The following ADAP1 variants were observed in gnomAD, a reference collection of about 807,000 sequenced individuals.
ADAP1 encodes ArfGAP with dual PH domains 1, also known as arf-GAP with dual PH domain-containing protein 1.
Under a neutral mutation model 54.9 loss-of-function variants are expected in ADAP1, and 31 were observed. The observed-to-expected ratio is 0.56, with a 90% CI of 0.42 to 0.76. The LOEUF is 0.76. Ranked by LOEUF, ADAP1 falls within the 30% of genes least tolerant of loss-of-function variation. The probability of loss-of-function intolerance (pLI) is 0.00; values close to 1 mark genes in which losing one functional copy is unlikely to be tolerated. For missense variants in ADAP1, 535 were observed against 512.4 expected (o/e 1.04, Z -0.42); for synonymous variants, 313 against 202.6 (o/e 1.55, Z -4.63).
chr7:912,966 A>T (rs1034847564), intron 4 of ADAP1, among the ~76,000 whole-genome samples: 8 of 152,058 alleles, frequency 5.3e-5, no homozygotes, highest in African/African-American at 1.7e-4. Flanking sequence ...CTCCCACCTC[A>T]GTGTCCTGAG....
intron 1 of ADAP1, among the ~76,000 whole-genome samples, chr7:951,020 G>C (rs757328228): frequency 2.6e-5 from 4 of 152,040 alleles, no homozygotes; most frequent in Non-Finnish European, 5.9e-5. Flanking sequence ...GGCACGGTGA[G>C]TGAACGTGCT....
At chr7:950,678 G>A (rs1462696051) in intron 1 of ADAP1, among the ~76,000 whole-genome samples, 5 of 151,388 alleles carry the variant, frequency 3.3e-5, no homozygotes, top group African/African-American at 9.7e-5. Context: ...CCAACATGGC[G>A]AAACCCTGTC....
chr7:950,569 A>G (rs554576281), intron 1 of ADAP1, among the ~76,000 whole-genome samples: 23 of 152,094 alleles, frequency 1.5e-4, no homozygotes, highest in African/African-American at 5.5e-4. Context: ...AGAGACAGAA[A>G]GTTGAGGCCA....
intron 1 of ADAP1, among the ~76,000 whole-genome samples, chr7:951,330 A>G (rs948242183): frequency 2.0e-5 from 3 of 150,350 alleles, no homozygotes; most frequent in East Asian, 3.9e-4. Flanking sequence ...CCGAGATCGC[A>G]CCACTGCAGT....
At chr7:909,602 G>A (rs1325629069) in intron 4 of ADAP1, among the ~76,000 whole-genome samples, 2 of 152,232 alleles carry the variant, frequency 1.3e-5, no homozygotes, top group African/African-American at 4.8e-5. Flanking sequence ...CGCTGGGGAG[G>A]GCCAGGACCT....
At chr7:923,187 C>T (rs1846251675) in intron 3 of ADAP1, 1 of 152,048 alleles carries the variant, frequency 6.6e-6, no homozygotes, top group African/African-American at 2.4e-5. Context: ...CTCTGGGCCG[C>T]CGGGCATGTG....
intron 1 of ADAP1, among the ~76,000 whole-genome samples, chr7:952,178 C>T (rs73254078): frequency 0.16 from 24,319 of 152,154 alleles, 2,142 homozygotes; most frequent in South Asian, 0.21. Flanking sequence ...TCAGGGGAAC[C>T]CACTATTGGG....
At chr7:934,811 T>C (rs1230281337) in intron 2 of ADAP1, among the ~76,000 whole-genome samples, 3 of 152,170 alleles carry the variant, frequency 2.0e-5, no homozygotes, top group Admixed American at 6.5e-5. Context: ...GTGGCTGGTG[T>C]CCCTGCCTGG....
chr7:947,002 T>C (rs1407216625), intron 1 of ADAP1, among the ~76,000 whole-genome samples: 1 of 152,144 alleles, frequency 6.6e-6, no homozygotes, highest in African/African-American at 2.4e-5. Context: ...AAAAGGTTAA[T>C]TTTTCATATG....
intron 8 of ADAP1, 74 bp from the exon 9 acceptor site, chr7:899,564 C>G: frequency 2.0e-6 from 3 of 1,522,876 alleles, no homozygotes; most frequent in South Asian, 2.5e-5. Flanking sequence ...ACAGCACACC[C>G]CGGAGGGCAG....
chr7:942,593 G>T (rs1846981642), intron 1 of ADAP1, among the ~76,000 whole-genome samples: 1 of 75,100 alleles, frequency 1.3e-5, no homozygotes, highest in African/African-American at 4.3e-5. Flanking sequence ...AGAGGAGGAG[G>T]AAGGGAGAGA....
intron 4 of ADAP1, among the ~76,000 whole-genome samples, chr7:915,342 C>T (rs987803082): frequency 1.3e-5 from 2 of 152,208 alleles, no homozygotes; most frequent in African/African-American, 2.4e-5. Flanking sequence ...TCCTCACACC[C>T]ATCCAGGGGA....
At chr7:935,110 G>A (rs761186390) in intron 2 of ADAP1, 9 of 601,780 alleles carry the variant, frequency 1.5e-5, no homozygotes, top group East Asian at 3.8e-5. Context: ...CACGGGAATC[G>A]GCGACCCGCC....
Position 926,915 on chromosome 7 carries a change from GTC to G in ADAP1, c.214-273_214-272del. 1 of 1,177,336 alleles carries G rather than the reference GTC, an allele frequency of 8.5e-7. No individual in the cohort carries two copies. Among genetic ancestry groups the G allele is most frequent in the South Asian group, 1.7e-5 (1 of 60,532 alleles). 72.9% of individuals were successfully genotyped at this position (1,177,336 alleles called of 1,614,324 possible). On this transcript the variant is annotated intron_variant, in intron 2 of 10. Coordinates refer to ENST00000265846, the MANE Select transcript of ADAP1 (RefSeq NM_006869.4). This position sits in a 1 kb window ranked among gnomAD's most constrained non-coding sequence, Gnocchi z 4.6. ...GGGGCCAGGCCCCTTTTGAGGATGG[GTC>G]TGAGGTTTGCCCCACCGTTTCAACC... is the stretch of plus-strand genomic sequence containing the variant.
rs1845444279 is a variant in ADAP1 at position 906,735 on chromosome 7, GA to G, written c.389-1564del. On this transcript the variant is annotated intron_variant, in intron 4 of 10. Transcript: ENST00000265846. ...GGGACATCGGGGACGGGACATGGGG[GA>G]CAGAGTACATAGGGGACATGGACAG... Among the ~76,000 whole-genome samples the G allele has an allele frequency of 1.5e-3, 43 of 29,558 alleles. 1 individual carries two copies. In the East Asian group the frequency reaches 0.022, roughly 15 times the overall value. 19.4% of individuals were successfully genotyped at this position (29,558 alleles called of 152,430 possible). A position where few individuals can be genotyped will look rare whatever the true frequency, so the allele number is the denominator to read the frequency against.
chr7:909,705 C>T (rs1845641252), intron 4 of ADAP1, among the ~76,000 whole-genome samples: 1 of 152,266 alleles, frequency 6.6e-6, no homozygotes, highest in South Asian at 2.1e-4. Flanking sequence ...GCGTCCTGGA[C>T]AGCCGGGTGG....
Position 926,813 on chromosome 7 carries a change from T to C in ADAP1, c.214-169A>G. On this transcript the variant is annotated intron_variant, in intron 2 of 10. Transcript: ENST00000265846. This position sits in a 1 kb window ranked among gnomAD's most constrained non-coding sequence, Gnocchi z 4.6. Reference sequence around the variant, plus strand: ...CTCCTCCTGCCCCAGGGACACCATTTCTGAGTGATCGACCCTCCCCTGGGA... The same window carrying C: ...CTCCTCCTGCCCCAGGGACACCATTCCTGAGTGATCGACCCTCCCCTGGGA... The C allele has an allele frequency of 1.4e-6, 1 of 733,752 alleles. No individual in the cohort carries two copies. The highest frequency in any genetic ancestry group is 2.1e-6 in the Non-Finnish European group (1 of 473,228). The allele number at this position is 733,752 out of a possible 1,614,324, so 45.5% of individuals were successfully genotyped here.
Position 899,242 on chromosome 7 carries a change from T to C in ADAP1, c.887A>G (p.Glu296Gly). 1 of 1,612,668 alleles carries C rather than the reference T, an allele frequency of 6.2e-7. No homozygotes were observed. The highest frequency in any genetic ancestry group is 8.5e-7 in the Non-Finnish European group (1 of 1,179,938). The change falls in exon 10 of 11, where the codon GAA becomes GGA. Residue 296 changes from glutamate to glycine, a missense_variant. Coordinates refer to ENST00000265846, the MANE Select transcript of ADAP1 (RefSeq NM_006869.4). ...KDPLDAFARG[E>G]VFIGSKESGY... ...ACTCTCCTTGCTGCCAATGAAGACT[T>C]CCCCTCGGGCGAAGGCGTCCTGTGG... is the stretch of plus-strand genomic sequence containing the variant.
intron 4 of ADAP1, among the ~76,000 whole-genome samples, chr7:905,879 A>AGGGAGAAGGGAGAAGGGAGAAGGG (rs1562913139): frequency 4.6e-5 from 1 of 21,750 alleles, no homozygotes; most frequent in Non-Finnish European, 1.1e-4. Context: ...AGAAGGGAGA[A>AGGGAGAAGGGAGAAGGGAGAAGGG]AGGAGAAAGG....
Sources: gnomAD v4.1 joint callset for allele counts (sites outside exome capture counted in the v4.1 genomes callset) on GRCh38, gnomAD v4.1.1 for gene constraint, Gnocchi (gnomAD v3.1) non-coding constraint, MANE v1.5 for transcripts, NCBI Gene and HGNC (gene_info 2026-07-23, HGNC 2026-07-21) for gene names.